Variants in RIMS1 observed in about 807,000 individuals in gnomAD.
RIMS1 encodes the protein regulating synaptic membrane exocytosis protein 1.
In RIMS1, 83 loss-of-function variants were observed where a neutral mutation model predicts 214.1. The ratio of observed to expected loss-of-function variants is 0.39; its 90% CI spans 0.32 to 0.47. The LOEUF (loss-of-function observed/expected upper bound fraction) is 0.47. RIMS1 is among the 20% of genes least tolerant of loss of function. The probability of loss-of-function intolerance (pLI) is 0.99; values close to 1 mark genes in which losing one functional copy is unlikely to be tolerated. For missense variants in RIMS1, 2,050 were observed against 2,161.8 expected (o/e 0.95, Z 1.03); for synonymous variants, 793 against 786.8 (o/e 1.01, Z -0.13).
chr6:72,334,870 G>A (rs1398486343), intron 29 of RIMS1, among the ~76,000 whole-genome samples: 1 of 151,874 alleles, frequency 6.6e-6, no homozygotes, highest in Non-Finnish European at 1.5e-5. Context: ...AGAATAGCTA[G>A]CATCCCTGTG....
intron 2 of RIMS1, among the ~76,000 whole-genome samples, chr6:72,029,114 G>A (rs537628918): frequency 2.6e-5 from 4 of 152,024 alleles, no homozygotes; most frequent in African/African-American, 4.8e-5. Flanking sequence ...AAATCCAAGA[G>A]GAATTTTTGC....
intron 1 of RIMS1, among the ~76,000 whole-genome samples, chr6:71,939,964 T>G (rs1162093767): frequency 6.6e-6 from 1 of 152,212 alleles, no homozygotes; most frequent in African/African-American, 2.4e-5. Context: ...CTGTGTGAAC[T>G]TAGACAAATT....
At chr6:72,069,598 C>G (rs550605348) in intron 2 of RIMS1, among the ~76,000 whole-genome samples, 2 of 152,320 alleles carry the variant, frequency 1.3e-5, no homozygotes, top group Admixed American at 1.3e-4. Context: ...TCCTGAGCAC[C>G]TGCATTAATG....
intron 2 of RIMS1, among the ~76,000 whole-genome samples, chr6:71,983,092 A>T (rs1798900515): frequency 6.6e-6 from 1 of 152,050 alleles, no homozygotes; most frequent in Middle Eastern, 3.2e-3. Context: ...CTGCTCCAAA[A>T]CAATTTCCTC....
At chr6:71,931,380 TA>T (rs1324637856) in intron 1 of RIMS1, among the ~76,000 whole-genome samples, 2 of 152,058 alleles carry the variant, frequency 1.3e-5, no homozygotes, top group African/African-American at 4.8e-5. Flanking sequence ...TAGAGGAATT[TA>T]AAAATAGCCA....
chr6:72,127,211 A>G (rs2039694238), intron 4 of RIMS1, among the ~76,000 whole-genome samples: 3 of 152,182 alleles, frequency 2.0e-5, no homozygotes, highest in African/African-American at 7.2e-5. Context: ...CAAAAGGAAA[A>G]TATCAGTAGT....
chr6:72,062,096 C>T (rs1828016964), intron 2 of RIMS1, among the ~76,000 whole-genome samples: 1 of 152,166 alleles, frequency 6.6e-6, no homozygotes, highest in Non-Finnish European at 1.5e-5. Context: ...TATGTAGTAT[C>T]TATCTAACAG....
At chr6:72,344,344 AG>A (rs1475183733) in intron 29 of RIMS1, among the ~76,000 whole-genome samples, 1 of 151,822 alleles carries the variant, frequency 6.6e-6, no homozygotes, top group Non-Finnish European at 1.5e-5. Context: ...ATAATGTTAT[AG>A]CTGCAGGGAA....
intron 2 of RIMS1, among the ~76,000 whole-genome samples, chr6:72,017,819 T>C (rs1385730289): frequency 6.6e-6 from 1 of 152,146 alleles, no homozygotes; most frequent in East Asian, 1.9e-4. Context: ...GAAAGTGACA[T>C]TTCAGTAACA....
chr6:71,921,968 A>G (rs1780138824), intron 1 of RIMS1, among the ~76,000 whole-genome samples: 1 of 152,146 alleles, frequency 6.6e-6, no homozygotes, highest in Non-Finnish European at 1.5e-5. Context: ...GGTTGCCAAG[A>G]AAACCAGAAC....
At position 72,352,775 on chromosome 6, in the gene RIMS1, T is replaced by G. The variant is rs575460992; in HGVS notation, c.4366+18940T>G. Among the ~76,000 whole-genome samples, 181 of 152,134 alleles carry G rather than the reference T, an allele frequency of 1.2e-3. 3 individuals carry two copies. The highest frequency in any genetic ancestry group is 6.8e-3 in the Middle Eastern group (2 of 294). On this transcript the variant is annotated intron_variant, in intron 29 of 33. Coordinates refer to ENST00000521978, the MANE Select transcript of RIMS1 (RefSeq NM_014989.7). Reference sequence around the variant, plus strand: ...CTAGAAGCATCACACATCATTCCTATTAATGCTCTATTAATGACAGTTAAT... The same window carrying G: ...CTAGAAGCATCACACATCATTCCTAGTAATGCTCTATTAATGACAGTTAAT...
chr6:72,043,918 T>A (rs1297800574), intron 2 of RIMS1, among the ~76,000 whole-genome samples: 2 of 151,592 alleles, frequency 1.3e-5, no homozygotes, highest in African/African-American at 4.8e-5. Flanking sequence ...CAACAACCCC[T>A]GTGTGTATAT....
chr6:71,897,911 G>A (rs939431376), intron 1 of RIMS1, among the ~76,000 whole-genome samples: 1 of 152,174 alleles, frequency 6.6e-6, no homozygotes, highest in African/African-American at 2.4e-5. Context: ...GGAGGATAGA[G>A]TGGGATGATT....
At chr6:72,251,441 G>T (rs994495218) in intron 15 of RIMS1, 73 bp downstream of exon 15, 1 of 1,203,470 alleles carries the variant, frequency 8.3e-7, no homozygotes, top group Non-Finnish European at 1.1e-6. Flanking sequence ...AATAATTCAA[G>T]ATGTTTTTTT....
intron 26 of RIMS1, among the ~76,000 whole-genome samples, chr6:72,301,071 G>A (rs116175242): frequency 1.0e-3 from 154 of 151,844 alleles, no homozygotes; most frequent in African/African-American, 3.6e-3. Context: ...GCTGGTAGAT[G>A]TATGCTTTAT....
intron 9 of RIMS1, among the ~76,000 whole-genome samples, chr6:72,239,574 C>T (rs540007024): frequency 9.9e-5 from 15 of 152,250 alleles, no homozygotes; most frequent in East Asian, 5.8e-4. Flanking sequence ...TATAAAACTA[C>T]GGTGCAATCA....
intron 6 of RIMS1, among the ~76,000 whole-genome samples, chr6:72,224,664 C>T (rs1182602414): frequency 1.3e-5 from 2 of 152,018 alleles, no homozygotes; most frequent in Admixed American, 6.6e-5. Context: ...AGTCTTTGAC[C>T]GACATTAACG....
At chr6:72,117,064 T>C (rs2037227775) in intron 4 of RIMS1, among the ~76,000 whole-genome samples, 1 of 151,990 alleles carries the variant, frequency 6.6e-6, no homozygotes, top group African/African-American at 2.4e-5. Context: ...TCTTGGAGAA[T>C]TCCGTTCCTC....
intron 1 of RIMS1, among the ~76,000 whole-genome samples, chr6:71,900,049 A>G (rs1773120228): frequency 6.6e-6 from 1 of 151,980 alleles, no homozygotes; most frequent in Non-Finnish European, 1.5e-5. Flanking sequence ...AGAACATTGT[A>G]TAATATTTTG....
Sources: gnomAD v4.1 joint callset for allele counts (sites outside exome capture counted in the v4.1 genomes callset) on GRCh38, gnomAD v4.1.1 for gene constraint, MANE v1.5 for transcripts, NCBI Gene and HGNC (gene_info 2026-07-23, HGNC 2026-07-21) for gene names.